The following HIRA variants were observed in gnomAD, a reference collection of about 807,000 sequenced individuals.
HIRA encodes histone cell cycle regulator.
A neutral mutation model predicts 126.6 loss-of-function variants in HIRA; 13 were observed. The observed-to-expected ratio is 0.10, with a 90% CI of 0.07 to 0.16. HIRA has a LOEUF of 0.16. Among genes scored for constraint, HIRA ranks in the 10% least tolerant of loss-of-function variants. The pLI is 1.00. For missense variants in HIRA, 834 were observed against 1,314.4 expected, an observed-to-expected ratio of 0.63 and a Z score of 5.65; for synonymous variants, 511 against 520.0, an observed-to-expected ratio of 0.98 and a Z score of 0.24.
chr22:19,373,634 T>A (rs1212409226), intron 15 of HIRA, among the ~76,000 whole-genome samples: 1 of 152,152 alleles, frequency 6.6e-6, no homozygotes, highest in Non-Finnish European at 1.5e-5. Flanking sequence ...TGGCCCTGAA[T>A]CCACATGAGG....
intron 11 of HIRA, 120 bp from the exon 12 acceptor site, chr22:19,385,856 C>T (rs950680146): frequency 1.2e-5 from 10 of 863,928 alleles, no homozygotes; most frequent in Non-Finnish European, 1.8e-5. Flanking sequence ...GGACCCAAGG[C>T]CAACTCCCCA....
chr22:19,384,238 C>T (rs1442620498), intron 12 of HIRA, among the ~76,000 whole-genome samples: 3 of 149,278 alleles, frequency 2.0e-5, no homozygotes, highest in Admixed American at 6.8e-5. Flanking sequence ...GCAGGAGAAT[C>T]GCCTGAACCA....
rs551189979 is a variant in HIRA at position 19,350,815 on chromosome 22, G to A, written c.2937+543C>T. Among the ~76,000 whole-genome samples, 59 of 151,976 alleles carry A rather than the reference G, an allele frequency of 3.9e-4. No individual in the cohort carries two copies. The South Asian group carries it at 0.012, about 32-fold the overall frequency. ...GCTCCAAACAGATCAAGCACTCCTT[G>A]CTTTTACTCTCACTTCTACTAGGAA... On this transcript the variant is annotated intron_variant, in intron 24 of 24. Transcript: ENST00000263208.
chr22:19,383,310 GA>G (rs927403628), intron 13 of HIRA, among the ~76,000 whole-genome samples: 18 of 149,454 alleles, frequency 1.2e-4, no homozygotes, highest in African/African-American at 2.0e-4. Flanking sequence ...AGAAAAAAAA[GA>G]AAAAAAAAAT....
rs1318822324 is a variant in HIRA at position 19,351,570 on chromosome 22, G to A, written c.2849-124C>T. ...CTATCAAATCAGAATAAACACATGC[G>A]TATTTTATTGCCTACTATGGGCAAG... On this transcript the variant is annotated intron_variant, in intron 23 of 24. Transcript: ENST00000263208. The surrounding 1 kb of genome is among the most constrained non-coding windows in gnomAD (Gnocchi z 4.8). 3.6e-5 allele frequency: 27 copies of A among 741,442 alleles called. No homozygotes were observed. Among genetic ancestry groups the A allele is most frequent in the Non-Finnish European group, 4.2e-5 (19 of 455,624 alleles). The allele number at this position is 741,442 out of a possible 1,614,324, so 45.9% of individuals were successfully genotyped here. A position where few individuals can be genotyped will look rare whatever the true frequency, so the allele number is the denominator to read the frequency against.
In HIRA at chr22:19,385,569, G is replaced by C. The variant is rs369539067; in HGVS notation, c.1281C>G (p.Thr427=). The change falls in exon 12 of 25, where the codon ACC becomes ACG. Residue 427 remains threonine (T), a synonymous_variant. Transcript: ENST00000263208. ...SAATREMGSA[T]SVAGVVNGES... ...CCCCGTTGACAACGCCTGCGACTGAGGTGGCTGAGCCCATCTCCCTGGTCG... is the reference window on the plus strand; with the variant it reads ...CCCCGTTGACAACGCCTGCGACTGACGTGGCTGAGCCCATCTCCCTGGTCG... 48 of 1,614,044 alleles carry C rather than the reference G, an allele frequency of 3.0e-5. No homozygotes were observed. The African/African-American group carries it at 5.5e-4, about 18-fold the overall frequency.
chr22:19,406,033 A>C (rs2089305481), intron 4 of HIRA, among the ~76,000 whole-genome samples, 153 bp from the exon 5 acceptor site: 1 of 152,270 alleles, frequency 6.6e-6, no homozygotes, highest in Non-Finnish European at 1.5e-5. Flanking sequence ...GGGGCTGGTT[A>C]GGTGAATTAT....
Position 19,355,971 on chromosome 22 carries a change from A to G in HIRA, c.2456-106T>C, listed in dbSNP as rs146925753. 3.0e-4 allele frequency: 250 copies of G among 819,952 alleles called. 4 individuals carry two copies. In the East Asian group the frequency reaches 6.6e-3, roughly 22 times the overall value. The allele number at this position is 819,952 out of a possible 1,614,324, so 50.8% of individuals were successfully genotyped here. ...TCTAGGCTCCCACAGTCCCAGCAGCAAATGCATCAACACTGCCTTGGCAAA... is the reference window on the plus strand; with the variant it reads ...TCTAGGCTCCCACAGTCCCAGCAGCGAATGCATCAACACTGCCTTGGCAAA... On this transcript the variant is annotated intron_variant, in intron 20 of 24. Coordinates refer to ENST00000263208, the MANE Select transcript of HIRA (RefSeq NM_003325.4).
At chr22:19,383,739 AG>A (rs2146216338) in intron 12 of HIRA, 34 bp from the exon 13 acceptor site, 1 of 1,540,852 alleles carries the variant, frequency 6.5e-7, no homozygotes, top group Non-Finnish European at 9.0e-7. Context: ...TGAATGCAAA[AG>A]TTTTGGCCAA....
chr22:19,384,033 G>A (rs977427242), intron 12 of HIRA, among the ~76,000 whole-genome samples: 2 of 152,044 alleles, frequency 1.3e-5, no homozygotes, highest in Admixed American at 1.3e-4. Flanking sequence ...AGAGGTATCA[G>A]GCAGGCCAGG....
At chr22:19,411,992 T>C (rs2089356598) in intron 1 of HIRA, among the ~76,000 whole-genome samples, 1 of 152,238 alleles carries the variant, frequency 6.6e-6, no homozygotes, top group East Asian at 1.9e-4. Flanking sequence ...AAGCATGAAC[T>C]TGAGATAAAA....
In HIRA at chr22:19,407,089, G is replaced by A. The variant is rs1601850354; in HGVS notation, c.302+95C>T. 4.3e-5 allele frequency: 43 copies of A among 990,290 alleles called. No individual in the cohort carries two copies. In the South Asian group the frequency reaches 5.0e-4, roughly 11 times the overall value. 61.3% of individuals were successfully genotyped at this position (990,290 alleles called of 1,614,324 possible). ...ACTACTTATGAGGTCAGGGCTATGG[G>A]AACTTCAGTGACAGGGTAGGGAAAG... On this transcript the variant is annotated intron_variant, in intron 4 of 24. Coordinates refer to ENST00000263208, the MANE Select transcript of HIRA (RefSeq NM_003325.4).
At chr22:19,364,830 G>A (rs952020070) in intron 15 of HIRA, among the ~76,000 whole-genome samples, 25 of 152,282 alleles carry the variant, frequency 1.6e-4, no homozygotes, top group African/African-American at 6.0e-4. Flanking sequence ...AGCTTAAAGA[G>A]GAAGGCACAT....
intron 1 of HIRA, among the ~76,000 whole-genome samples, chr22:19,429,133 CTTTTTTTTT>C (rs57853722): frequency 2.6e-5 from 2 of 77,246 alleles, no homozygotes; most frequent in African/African-American, 5.4e-5. Flanking sequence ...GTTGCCATAT[CTTTTTTTTT>C]TTTTTTTTTT....
chr22:19,431,119 G>C (rs569732922), intron 1 of HIRA, among the ~76,000 whole-genome samples: 1 of 152,236 alleles, frequency 6.6e-6, no homozygotes, highest in Non-Finnish European at 1.5e-5. Flanking sequence ...ATGCAGACCA[G>C]TGGAAGGCAC....
chr22:19,380,293 A>C (rs886592451), intron 13 of HIRA, among the ~76,000 whole-genome samples: 2 of 152,256 alleles, frequency 1.3e-5, no homozygotes, highest in African/African-American at 2.4e-5. Flanking sequence ...TTTAGAATGT[A>C]TGTAATGATA....
At chr22:19,374,834 T>C (rs1057438404) in intron 15 of HIRA, among the ~76,000 whole-genome samples, 1 of 152,176 alleles carries the variant, frequency 6.6e-6, no homozygotes, top group Non-Finnish European at 1.5e-5. Context: ...CTGAGCCCTA[T>C]AAACCTCGCA....
At chr22:19,402,674 T>C (rs2089278700) in intron 5 of HIRA, among the ~76,000 whole-genome samples, 1 of 152,252 alleles carries the variant, frequency 6.6e-6, no homozygotes, top group Non-Finnish European at 1.5e-5. Context: ...TTAACTGTGT[T>C]GCAGAAATTC....
At chr22:19,358,000 T>C (rs577724649) in intron 18 of HIRA, among the ~76,000 whole-genome samples, 21 of 152,176 alleles carry the variant, frequency 1.4e-4, no homozygotes, top group Non-Finnish European at 2.8e-4. Flanking sequence ...GTGCTGTGAC[T>C]GAATTCTTAT....
Sources: gnomAD v4.1 joint callset for allele counts (sites outside exome capture counted in the v4.1 genomes callset) on GRCh38, gnomAD v4.1.1 for gene constraint, Gnocchi (gnomAD v3.1) non-coding constraint, MANE v1.5 for transcripts, NCBI Gene and HGNC (gene_info 2026-07-23, HGNC 2026-07-21) for gene names.